Variants in LTBP1 observed in about 807,000 individuals in gnomAD.
LTBP1 encodes the protein latent transforming growth factor beta binding protein 1.
LTBP1 carries 129 observed loss-of-function variants against 207.6 expected under a neutral mutation model. The ratio of observed to expected loss-of-function variants is 0.62; its 90% confidence interval spans 0.54 to 0.72. The LOEUF (loss-of-function observed/expected upper bound fraction) is 0.72. Ranked by LOEUF, LTBP1 falls within the 30% of genes least tolerant of loss-of-function variation. The probability of loss-of-function intolerance (pLI) is 0.00; values close to 1 mark genes in which losing one functional copy is unlikely to be tolerated. For synonymous variants in LTBP1, 963 were observed against 833.7 expected (o/e 1.16, Z -2.67); for missense variants, 2,281 against 2,217.2 (o/e 1.03, Z -0.58).
rs1243984481 is a variant in LTBP1, at chr2:33,134,779, G to A, written c.1034-14G>A. The A allele has an allele frequency of 1.9e-6, 3 of 1,613,752 alleles. No homozygotes were observed. Among genetic ancestry groups the A allele is most frequent in the Non-Finnish European group, 2.5e-6 (3 of 1,179,976 alleles). On this transcript the variant is annotated splice_polypyrimidine_tract_variant and intron_variant, in intron 4 of 33. Coordinates refer to ENST00000404816, the MANE Select transcript of LTBP1 (RefSeq NM_206943.4). The surrounding 1 kb of genome is among the most constrained non-coding windows in gnomAD (Gnocchi z 4.4). ...TGTGTTTGTTGTTCTTTTTCTCCCTGCCTCCGCTCCTAGTGAGTAACCACA... is the reference window on the plus strand; with the variant it reads ...TGTGTTTGTTGTTCTTTTTCTCCCTACCTCCGCTCCTAGTGAGTAACCACA...
At chr2:33,239,902 T>TTAAATAAATAAATAAATAAA (rs56284447) in intron 9 of LTBP1, among the ~76,000 whole-genome samples, 3 of 144,170 alleles carry the variant, frequency 2.1e-5, no homozygotes, top group Non-Finnish European at 3.0e-5. Context: ...AGACTCCATC[T>TTAAATAAATAAATAAATAAA]TAAATAAATA....
intron 3 of LTBP1, among the ~76,000 whole-genome samples, chr2:33,096,181 C>T (rs537932774): frequency 2.0e-5 from 3 of 152,238 alleles, no homozygotes; most frequent in Admixed American, 2.0e-4. Flanking sequence ...CAAATGATCA[C>T]TTCTCATCAG....
At chr2:33,244,599 T>C (rs1463804948) in intron 10 of LTBP1, among the ~76,000 whole-genome samples, 2 of 152,238 alleles carry the variant, frequency 1.3e-5, no homozygotes, top group African/African-American at 4.8e-5. Flanking sequence ...AAGAATGTCT[T>C]ATTTTTAAAG....
chr2:33,204,190 T>C (rs575659316), intron 7 of LTBP1, among the ~76,000 whole-genome samples: 1 of 152,340 alleles, frequency 6.6e-6, no homozygotes, highest in East Asian at 1.9e-4. Flanking sequence ...ACTGTTTTTT[T>C]CCTTTCTCAT....
chr2:33,099,624 C>A lies in LTBP1; in HGVS notation c.864-10958C>A, dbSNP rs141624333. Among the ~76,000 whole-genome samples the A allele has an allele frequency of 3.9e-3, 600 of 152,280 alleles. 7 individuals carry two copies. The highest frequency in any genetic ancestry group is 0.013 in the African/African-American group (557 of 41,550). On this transcript the variant is annotated intron_variant, in intron 3 of 33. Coordinates refer to ENST00000404816, the MANE Select transcript of LTBP1 (RefSeq NM_206943.4). ...GAATTTGGTAACATTTGAGTTAGGG[C>A]TCTCAGAGATTCAGCGGCACGGGCA...
At position 33,342,896 on chromosome 2, in the gene LTBP1, A is replaced by C. The variant is rs1316186053; in HGVS notation, c.3789A>C (p.Thr1263=). 6.2e-7 allele frequency: 1 copy of C among 1,614,176 alleles called. No homozygotes were observed. Among genetic ancestry groups the C allele is most frequent in the Non-Finnish European group, 8.5e-7 (1 of 1,179,986 alleles). ...VCDSHGFCDN[T]AGSFRCLCYQ... ...ACAGTCACGGGTTTTGTGACAATAC[A>C]GCTGGCTCCTTCCGCTGCCTCTGTT... The change falls in exon 25 of 34, where the codon ACA becomes ACC. Residue 1263 remains threonine (T), a synonymous_variant. Transcript: ENST00000404816.
chr2:33,235,192 G>A (rs112683047), intron 9 of LTBP1, among the ~76,000 whole-genome samples: 22,669 of 151,876 alleles, frequency 0.15, 2,730 homozygotes, highest in African/African-American at 0.33. Context: ...AAGAACTTAA[G>A]CAAATTTACA....
chr2:33,160,014 G>A (rs1234904320), intron 5 of LTBP1, among the ~76,000 whole-genome samples: 1 of 152,090 alleles, frequency 6.6e-6, no homozygotes, highest in Non-Finnish European at 1.5e-5. Context: ...CTCGAGCTGG[G>A]ATCATAGGCA....
At chr2:33,211,658 G>C (rs1198329206) in intron 7 of LTBP1, among the ~76,000 whole-genome samples, 1 of 152,144 alleles carries the variant, frequency 6.6e-6, no homozygotes, top group Non-Finnish European at 1.5e-5. Context: ...AAACACTCTT[G>C]GAATGAGGGT....
At chr2:33,049,049 A>G (rs976300791) in intron 3 of LTBP1, among the ~76,000 whole-genome samples, 2 of 152,224 alleles carry the variant, frequency 1.3e-5, no homozygotes, top group African/African-American at 4.8e-5. Flanking sequence ...AATGAATAAG[A>G]AAGTAACCTT....
chr2:32,987,192 A>G (rs1035845556), intron 2 of LTBP1, among the ~76,000 whole-genome samples: 3 of 152,170 alleles, frequency 2.0e-5, no homozygotes, highest in Non-Finnish European at 4.4e-5. Flanking sequence ...GCAAGTGGGT[A>G]TGTGATTGGA....
rs188356992 is a variant in LTBP1 at position 33,042,772 on chromosome 2, C to T, written c.863+21566C>T. Among the ~76,000 whole-genome samples the T allele has an allele frequency of 1.7e-3, 266 of 152,284 alleles. 1 individual carries two copies. Among genetic ancestry groups the T allele is most frequent in the African/African-American group, 6.1e-3 (252 of 41,556 alleles). On this transcript the variant is annotated intron_variant, in intron 3 of 33. Coordinates refer to ENST00000404816, the MANE Select transcript of LTBP1 (RefSeq NM_206943.4). ...GCCTTGATCTATGCCTAGATATTTACAATAGGCGGCAATTTTTGACATTTA... is the reference window on the plus strand; with the variant it reads ...GCCTTGATCTATGCCTAGATATTTATAATAGGCGGCAATTTTTGACATTTA...
At chr2:33,387,221 A>C (rs1018472611) in intron 31 of LTBP1, among the ~76,000 whole-genome samples, 3 of 152,234 alleles carry the variant, frequency 2.0e-5, no homozygotes, top group Non-Finnish European at 4.4e-5. Context: ...TCAGATGTAC[A>C]ACAAATGTAT....
Position 32,991,406 on chromosome 2 carries a change from G to T in LTBP1, c.566-29503G>T, listed in dbSNP as rs116658808. Among the ~76,000 whole-genome samples, 667 of 152,158 alleles carry T rather than the reference G, an allele frequency of 4.4e-3. 8 individuals are homozygous for T. Among genetic ancestry groups the T allele is most frequent in the African/African-American group, 0.015 (620 of 41,526 alleles). Reference sequence around the variant, plus strand: ...GTTGTTTAACTTTTCCCTAAATTTGGCAAAATAATTGCTGTCTGAACTATC... The same window carrying T: ...GTTGTTTAACTTTTCCCTAAATTTGTCAAAATAATTGCTGTCTGAACTATC... On this transcript the variant is annotated intron_variant, in intron 2 of 33. Transcript: ENST00000404816.
At chr2:33,263,254 G>T in intron 14 of LTBP1, 40 bp from the exon 15 acceptor site, 2 of 1,207,022 alleles carry the variant, frequency 1.7e-6, no homozygotes, top group South Asian at 2.4e-5. Context: ...TGCACATAAC[G>T]GGCTTTAATT....
intron 5 of LTBP1, among the ~76,000 whole-genome samples, chr2:33,184,885 G>C (rs1276809638): frequency 1.3e-5 from 2 of 151,862 alleles, no homozygotes; most frequent in East Asian, 1.9e-4. Context: ...GGTTGAGTGA[G>C]GCATACAGAG....
At chr2:32,988,747 G>C (rs1026769088) in intron 2 of LTBP1, among the ~76,000 whole-genome samples, 1 of 152,232 alleles carries the variant, frequency 6.6e-6, no homozygotes, top group African/African-American at 2.4e-5. Flanking sequence ...CCACTAAGCA[G>C]AGGTCCACAC....
At chr2:33,384,461 T>C (rs2095248553) in intron 31 of LTBP1, among the ~76,000 whole-genome samples, 3 of 152,210 alleles carry the variant, frequency 2.0e-5, no homozygotes, top group Non-Finnish European at 1.5e-5. Flanking sequence ...GGTATTTGGC[T>C]AGATTCCAGA....
At chr2:33,311,357 C>T (rs6739497) in intron 23 of LTBP1, among the ~76,000 whole-genome samples, 331 of 152,158 alleles carry the variant, frequency 2.2e-3, no homozygotes, top group African/African-American at 7.1e-3. Context: ...ATTTATTTGC[C>T]ATCCTCATGC....
Sources: allele counts gnomAD v4.1 joint callset (sites outside exome capture counted in the v4.1 genomes callset), GRCh38; gene constraint gnomAD v4.1.1; non-coding constraint Gnocchi (gnomAD v3.1); transcripts MANE v1.5; gene names NCBI Gene and HGNC (gene_info 2026-07-23, HGNC 2026-07-21).